HACE1: variants seen among roughly 807,000 people sequenced by gnomAD.
HACE1 encodes the protein E3 ubiquitin-protein ligase HACE1.
In HACE1, 73 loss-of-function variants were observed where a neutral mutation model predicts 118.4. The observed-to-expected ratio is 0.62, with a 90% CI of 0.51 to 0.75. HACE1 has a LOEUF of 0.75. Ranked by LOEUF, HACE1 falls within the 30% of genes least tolerant of loss-of-function variation. The pLI is 0.00. For synonymous variants in HACE1, 368 were observed against 374.8 expected (o/e 0.98, Z 0.21); for missense variants, 749 against 1,102.2 (o/e 0.68, Z 4.54).
intron 20 of HACE1, among the ~76,000 whole-genome samples, chr6:104,748,005 A>C (rs1777615944): frequency 6.6e-6 from 1 of 152,136 alleles, no homozygotes; most frequent in Non-Finnish European, 1.5e-5. Flanking sequence ...AAGCTTTTAA[A>C]AGAAAACACA....
intron 22 of HACE1, among the ~76,000 whole-genome samples, chr6:104,739,580 A>G (rs975632189): frequency 6.6e-6 from 1 of 152,148 alleles, no homozygotes; most frequent in Non-Finnish European, 1.5e-5. Context: ...AGGCCATTAC[A>G]TAATGATAAA....
Position 104,859,865 on chromosome 6 carries a change from G to C in HACE1, c.-223C>G, listed in dbSNP as rs940453200. ...AGTACACCCGCCGCCGCCTCTGCTCGCGCCTTTCCTGCAGCCCCCGCCGCC... is the reference window on the plus strand; with the variant it reads ...AGTACACCCGCCGCCGCCTCTGCTCCCGCCTTTCCTGCAGCCCCCGCCGCC... On this transcript the variant is annotated 5_prime_UTR_variant, in exon 1 of 24. Transcript: ENST00000262903. The C allele has an allele frequency of 1.6e-5, 8 of 498,062 alleles. No homozygotes were observed. Among genetic ancestry groups the C allele is most frequent in the South Asian group, 2.6e-5 (1 of 37,946 alleles). 30.9% of individuals were successfully genotyped at this position (498,062 alleles called of 1,614,324 possible).
chr6:104,763,428 C>T (rs565475504), intron 19 of HACE1, among the ~76,000 whole-genome samples: 1 of 152,260 alleles, frequency 6.6e-6, no homozygotes, highest in African/African-American at 2.4e-5. Context: ...CAAGTCTCAA[C>T]ATGAATTTGT....
In HACE1 at chr6:104,850,924, C is replaced by T; in HGVS notation, c.204G>A (p.Leu68=). The change falls in exon 3 of 24, where the codon TTG becomes TTA. Residue 68 remains leucine, a synonymous_variant. Coordinates refer to ENST00000262903, the MANE Select transcript of HACE1 (RefSeq NM_020771.4). ...AGTCTTACTTTGCTGCAATGTGAAG[C>T]AAGCTTCTTTTCACACGTCCGAATG... ...NYAFGRVKRS[L]LHIAANCGSV... is the part of the protein sequence containing the mutation. 1 of 1,605,340 alleles carries T rather than the reference C, an allele frequency of 6.2e-7. No individual in the cohort carries two copies. The highest frequency in any genetic ancestry group is 1.3e-5 in the African/African-American group (1 of 74,878).
intron 17 of HACE1, 40 bp from the exon 18 acceptor site, chr6:104,772,114 T>C (rs754162396): frequency 8.8e-6 from 10 of 1,139,494 alleles, no homozygotes; most frequent in Admixed American, 1.8e-5. Context: ...ATTAAGAATC[T>C]ATATGCAGAA....
chr6:104,769,130 G>A (rs933817198), intron 19 of HACE1, among the ~76,000 whole-genome samples: 1 of 151,936 alleles, frequency 6.6e-6, no homozygotes, highest in Non-Finnish European at 1.5e-5. Context: ...AACCTCCAGA[G>A]CTCAAGTGAT....
intron 5 of HACE1, among the ~76,000 whole-genome samples, chr6:104,839,919 T>A (rs1220220402): frequency 6.6e-6 from 1 of 152,152 alleles, no homozygotes; most frequent in African/African-American, 2.4e-5. Context: ...GGCAGGAGAA[T>A]TGCTTGAACC....
intron 22 of HACE1, among the ~76,000 whole-genome samples, chr6:104,735,949 T>C (rs1003172092): frequency 4.0e-5 from 6 of 151,880 alleles, no homozygotes; most frequent in African/African-American, 9.7e-5. Context: ...TAGTAACATA[T>C]TGCTAAATTC....
chr6:104,790,804 C>T (rs1222518862), intron 11 of HACE1, among the ~76,000 whole-genome samples: 1 of 152,130 alleles, frequency 6.6e-6, no homozygotes, highest in Non-Finnish European at 1.5e-5. Flanking sequence ...TTAAATTACA[C>T]ATTTTTCTAA....
At chr6:104,858,486 G>A (rs1480889727) in intron 1 of HACE1, 1 of 398,042 alleles carries the variant, frequency 2.5e-6, no homozygotes, top group Non-Finnish European at 5.0e-6. Context: ...GATCACTTGA[G>A]CCCAGGAGTT....
At chr6:104,809,899 C>G (rs916994961) in intron 7 of HACE1, among the ~76,000 whole-genome samples, 4 of 151,774 alleles carry the variant, frequency 2.6e-5, no homozygotes, top group African/African-American at 9.7e-5. Flanking sequence ...AAAAAATAAC[C>G]TAATTATTTC....
chr6:104,852,462 C>T, intron 1 of HACE1, 91 bp from the exon 2 acceptor site: 2 of 778,230 alleles, frequency 2.6e-6, no homozygotes, highest in South Asian at 3.0e-5. Context: ...TAACTCTATA[C>T]AAAAAGCGAA....
chr6:104,795,528 A>G (rs1368977571), intron 10 of HACE1, 51 bp downstream of exon 10: 1 of 1,024,170 alleles, frequency 9.8e-7, no homozygotes, highest in East Asian at 2.4e-5. Context: ...CAGGAGGTGA[A>G]GCCAACAGAC....
At chr6:104,784,536 A>G in intron 12 of HACE1, 51 bp from the exon 13 acceptor site, 2 of 1,239,798 alleles carry the variant, frequency 1.6e-6, no homozygotes, top group Non-Finnish European at 2.4e-6. Context: ...TTTGTGATAT[A>G]ATATAGCGAA....
At chr6:104,798,314 TA>T (rs1176091475) in intron 7 of HACE1, among the ~76,000 whole-genome samples, 1 of 152,046 alleles carries the variant, frequency 6.6e-6, no homozygotes, top group African/African-American at 2.4e-5. Flanking sequence ...CTCAGAAACT[TA>T]AAAAACAAAA....
rs1774167260 is a variant in HACE1, at chr6:104,833,070, T to G, written c.506A>C (p.His169Pro). Reference protein sequence around the residue: ...VEDAMGQTALHVACQNGHKTT... With the variant: ...VEDAMGQTALPVACQNGHKTT... ...CTTGTGACCGTTCTGGCAGGCAACA[T>G]GCAGTGCTGTCTGCCCCATGGCATC... The change falls in exon 6 of 24, where the codon CAT (histidine) becomes CCT (proline). Residue 169 changes from histidine (H) to proline (P), a missense_variant. His to Pro is a moderately conservative substitution (Grantham distance 77). Transcript: ENST00000262903. 1 of 1,612,148 alleles carries G rather than the reference T, an allele frequency of 6.2e-7. No individual in the cohort carries two copies.
At chr6:104,849,949 C>CT (rs35012688) in intron 3 of HACE1, among the ~76,000 whole-genome samples, 3,697 of 121,060 alleles carry the variant, frequency 0.031, 211 homozygotes, top group African/African-American at 0.1. Flanking sequence ...CACGCCCGTC[C>CT]TTTTTTTTTT....
chr6:104,734,584 T>A (rs757422416), intron 22 of HACE1, among the ~76,000 whole-genome samples: 5 of 152,050 alleles, frequency 3.3e-5, no homozygotes, highest in Non-Finnish European at 5.9e-5. Context: ...GAAAGGTGAA[T>A]TCTTCAATCC....
At position 104,785,330 on chromosome 6, in the gene HACE1, C is replaced by T; in HGVS notation, c.1075-11G>A. The T allele has an allele frequency of 7.0e-7, 1 of 1,425,768 alleles. No individual in the cohort carries two copies. The highest frequency in any genetic ancestry group is 9.8e-7 in the Non-Finnish European group (1 of 1,024,888). 88.3% of individuals were successfully genotyped at this position (1,425,768 alleles called of 1,614,324 possible). ...AAGCAATTCCAGAGGCTGAGAGAAA[C>T]AAAAGTGTTTTTTAAACATCATTCT... On this transcript the variant is annotated splice_polypyrimidine_tract_variant and intron_variant, in intron 11 of 23. Transcript: ENST00000262903.
Sources: allele counts gnomAD v4.1 joint callset (sites outside exome capture counted in the v4.1 genomes callset), GRCh38; gene constraint gnomAD v4.1.1; transcripts MANE v1.5; gene names NCBI Gene and HGNC (gene_info 2026-07-23, HGNC 2026-07-21).